NTRK2: variants seen among roughly 807,000 people sequenced by gnomAD.
NTRK2 encodes neurotrophic receptor tyrosine kinase 2.
A neutral mutation model predicts 94.5 loss-of-function variants in NTRK2; 13 were observed. That is an observed-to-expected ratio of 0.14 (90% confidence interval 0.09 to 0.22). The LOEUF (loss-of-function observed/expected upper bound fraction) is 0.22, where lower values mean the gene tolerates loss of function less well. NTRK2 is among the 10% of genes least tolerant of loss of function. The pLI is 1.00. For synonymous variants in NTRK2, 372 were observed against 407.4 expected, an observed-to-expected ratio of 0.91 and a Z score of 1.05; for missense variants, 639 against 1,071.2, an observed-to-expected ratio of 0.60 and a Z score of 5.63.
At chr9:84,813,324 A>T in intron 12 of NTRK2, 1 of 1,020,654 alleles carries the variant, frequency 9.8e-7, no homozygotes, top group Non-Finnish European at 1.2e-6. Flanking sequence ...TAGGAGAAAC[A>T]TGAAACCTGG....
intron 12 of NTRK2, among the ~76,000 whole-genome samples, chr9:84,823,108 T>A (rs1410992867): frequency 6.6e-6 from 1 of 152,094 alleles, no homozygotes; most frequent in African/African-American, 2.4e-5. Context: ...TTTTTAAAAG[T>A]ACCCAGGCTG....
At chr9:84,833,145 A>G (rs547521461) in intron 12 of NTRK2, among the ~76,000 whole-genome samples, 203 of 152,072 alleles carry the variant, frequency 1.3e-3, no homozygotes, top group African/African-American at 4.6e-3. Flanking sequence ...AAGAGACTGC[A>G]TGTTCAAAAA....
chr9:84,752,104 A>C lies in NTRK2; in HGVS notation c.1396+19A>C. The C allele has an allele frequency of 6.3e-7, 1 of 1,586,478 alleles. No homozygotes were observed. The highest frequency in any genetic ancestry group is 8.7e-7 in the Non-Finnish European group (1 of 1,154,966). Reference sequence around the variant, plus strand: ...ATGAAAGGTAAGAAGGGTTGTGTTTATTTAGCTTCTTATGTGGATCATTTT... The same window carrying C: ...ATGAAAGGTAAGAAGGGTTGTGTTTCTTTAGCTTCTTATGTGGATCATTTT... On this transcript the variant is annotated intron_variant, in intron 12 of 18. Transcript: ENST00000277120.
chr9:85,017,928 G>T (rs1302308824), intron 17 of NTRK2, among the ~76,000 whole-genome samples: 1 of 152,186 alleles, frequency 6.6e-6, no homozygotes, highest in Non-Finnish European at 1.5e-5. Context: ...TCTTTATAGG[G>T]TAGGAAGAAG....
intron 6 of NTRK2, among the ~76,000 whole-genome samples, 171 bp downstream of exon 6, chr9:84,710,962 A>G (rs1279673261): frequency 6.6e-6 from 1 of 152,236 alleles, no homozygotes; most frequent in Non-Finnish European, 1.5e-5. Context: ...TGCAAGTAGA[A>G]TATTAATTCA....
intron 12 of NTRK2, among the ~76,000 whole-genome samples, chr9:84,778,516 A>G (rs2067265782): frequency 6.6e-6 from 1 of 152,210 alleles, no homozygotes; most frequent in African/African-American, 2.4e-5. Flanking sequence ...AGGTGCCTGC[A>G]TCGTTGGTTG....
intron 12 of NTRK2, chr9:84,813,953 T>C: frequency 9.4e-7 from 1 of 1,065,388 alleles, no homozygotes; most frequent in Non-Finnish European, 1.1e-6. Context: ...GCATCCACCG[T>C]CATCACATGA....
intron 14 of NTRK2, among the ~76,000 whole-genome samples, chr9:84,917,697 C>A (rs1485341717): frequency 6.6e-6 from 1 of 152,132 alleles, no homozygotes; most frequent in Admixed American, 6.5e-5. Context: ...CTAAGAGTGA[C>A]AATCTCATGC....
chr9:84,939,865 C>T (rs564999210), intron 15 of NTRK2, among the ~76,000 whole-genome samples: 1 of 152,148 alleles, frequency 6.6e-6, no homozygotes, highest in East Asian at 1.9e-4. Context: ...CTCTGCTTCC[C>T]TCTGTATTGG....
Position 84,707,837 on chromosome 9 carries a change from C to A in NTRK2, c.360-7C>A. The A allele has an allele frequency of 6.2e-7, 1 of 1,609,120 alleles. No homozygotes were observed. The highest frequency in any genetic ancestry group is 8.5e-7 in the Non-Finnish European group (1 of 1,176,220). On this transcript the variant is annotated splice_polypyrimidine_tract_variant and splice_region_variant and intron_variant, in intron 4 of 18. Transcript: ENST00000277120. ...AATTCATGTTTAATGTTTTTGATTC[C>A]TTTCAGCAATTTTACCCGAAACAAA...
chr9:84,680,016 A>G lies in NTRK2; in HGVS notation c.212+9056A>G, dbSNP rs1014591001. Among the ~76,000 whole-genome samples the G allele has an allele frequency of 1.2e-4, 18 of 152,050 alleles. 1 individual carries two copies. Among genetic ancestry groups the G allele is most frequent in the Non-Finnish European group, 4.4e-5 (3 of 67,994 alleles). On this transcript the variant is annotated intron_variant, in intron 2 of 18. Transcript: ENST00000277120. The stretch of plus-strand genomic sequence containing the variant: ...AGTTTTCTAACTGACCTCTTTGGTT[A>G]GTCTCTGTTTTCTGTGACCCCCAAG...
chr9:84,773,669 T>G (rs564002387), intron 12 of NTRK2, among the ~76,000 whole-genome samples: 1 of 152,308 alleles, frequency 6.6e-6, no homozygotes, highest in East Asian at 1.9e-4. Context: ...ATTTTCTACC[T>G]TACAAATATT....
At chr9:84,723,309 G>C (rs1340083721) in intron 6 of NTRK2, among the ~76,000 whole-genome samples, 3 of 152,084 alleles carry the variant, frequency 2.0e-5, no homozygotes, top group African/African-American at 7.2e-5. Flanking sequence ...TTATACTAGT[G>C]TTCTTGAAAT....
chr9:84,955,219 G>A, intron 16 of NTRK2, 64 bp from the exon 17 acceptor site: 1 of 1,389,092 alleles, frequency 7.2e-7, no homozygotes, highest in Non-Finnish European at 1.0e-6. Flanking sequence ...GAGGGGCAGG[G>A]GCAAAGGGCC....
chr9:84,874,432 A>C, intron 14 of NTRK2: 1 of 1,065,738 alleles, frequency 9.4e-7, no homozygotes, highest in Non-Finnish European at 1.1e-6. Flanking sequence ...GAGAGTAACC[A>C]CCGTAGCTGG....
At chr9:84,962,361 A>G (rs1825044771) in intron 17 of NTRK2, among the ~76,000 whole-genome samples, 1 of 152,160 alleles carries the variant, frequency 6.6e-6, no homozygotes, top group Non-Finnish European at 1.5e-5. Flanking sequence ...ATGCCTTGTG[A>G]TCTTTTAACA....
intron 15 of NTRK2, among the ~76,000 whole-genome samples, chr9:84,938,771 C>T (rs1369875895): frequency 6.6e-6 from 1 of 151,914 alleles, no homozygotes; most frequent in Non-Finnish European, 1.5e-5. Context: ...GAGAGTTGCA[C>T]CAGGTGTGGT....
At chr9:84,688,908 G>T (rs1230823661) in intron 2 of NTRK2, among the ~76,000 whole-genome samples, 2 of 152,122 alleles carry the variant, frequency 1.3e-5, no homozygotes, top group Non-Finnish European at 2.9e-5. Flanking sequence ...AACATTGGTG[G>T]GTTAAGGGCT....
chr9:84,875,172 T>C, intron 14 of NTRK2: 1 of 1,058,894 alleles, frequency 9.4e-7, no homozygotes, highest in Non-Finnish European at 1.1e-6. Context: ...TCCTTGCATT[T>C]GTTTGTACTG....
Sources: gnomAD v4.1 joint callset for allele counts (sites outside exome capture counted in the v4.1 genomes callset) on GRCh38, gnomAD v4.1.1 for gene constraint, MANE v1.5 for transcripts, NCBI Gene and HGNC (gene_info 2026-07-23, HGNC 2026-07-21) for gene names.